Variants in RAB3GAP1 observed in about 807,000 individuals in gnomAD.
The protein encoded by RAB3GAP1 is RAB3 GTPase activating protein catalytic subunit 1, also known as rab3 GTPase-activating protein catalytic subunit.
RAB3GAP1 carries 86 observed loss-of-function variants against 130.7 expected under a neutral mutation model. The observed-to-expected ratio is 0.66, with a 90% CI of 0.55 to 0.79. RAB3GAP1 has a LOEUF of 0.79. RAB3GAP1 is among the 30% of genes least tolerant of loss of function. The pLI is 0.00. For synonymous variants in RAB3GAP1, 367 were observed against 401.7 expected (o/e 0.91, Z 1.03); for missense variants, 1,029 against 1,169.4 (o/e 0.88, Z 1.75).
chr2:135,119,070 T>TC (rs1558785463), intron 7 of RAB3GAP1, among the ~76,000 whole-genome samples: 5 of 137,896 alleles, frequency 3.6e-5, no homozygotes, highest in African/African-American at 1.2e-4. Flanking sequence ...CTTCCTTCCT[T>TC]CCTCCCTCCC....
chr2:135,064,536 T>G (rs1487106123), intron 3 of RAB3GAP1, among the ~76,000 whole-genome samples: 4 of 152,166 alleles, frequency 2.6e-5, no homozygotes, highest in African/African-American at 9.6e-5. Context: ...TTGATTCTTA[T>G]GAAAAACTTC....
At chr2:135,120,301 T>C (rs1323351451) in intron 7 of RAB3GAP1, among the ~76,000 whole-genome samples, 1 of 152,232 alleles carries the variant, frequency 6.6e-6, no homozygotes, top group Non-Finnish European at 1.5e-5. Flanking sequence ...TAAACAGCTT[T>C]ATTTTAAAGC....
chr2:135,119,682 G>GCTA lies in RAB3GAP1; in HGVS notation c.649-1133_649-1131dup, dbSNP rs558968194. ...TTCAAATTGAGTTTGTGTTCTTAAA[G>GCTA]CTACTAGTGACATTTATAGATGCTG... On this transcript the variant is annotated intron_variant, in intron 7 of 23. Transcript: ENST00000264158. 4.0e-3 allele frequency among the ~76,000 whole-genome samples: 602 copies of GCTA among 152,294 alleles called. 4 individuals are homozygous for GCTA. The highest frequency in any genetic ancestry group is 0.014 in the African/African-American group (585 of 41,556).
chr2:135,075,996 C>T (rs563713053), intron 3 of RAB3GAP1, among the ~76,000 whole-genome samples: 5 of 149,752 alleles, frequency 3.3e-5, no homozygotes, highest in South Asian at 4.2e-4. Context: ...CTGCAGCCTT[C>T]GCCTCCTGCG....
chr2:135,080,071 C>T (rs191906833), intron 3 of RAB3GAP1, among the ~76,000 whole-genome samples: 123 of 147,608 alleles, frequency 8.3e-4, no homozygotes, highest in Admixed American at 6.3e-3. Context: ...GAGCGGAGAT[C>T]GCACCACAGC....
At chr2:135,155,529 T>C (rs2104986189) in intron 19 of RAB3GAP1, among the ~76,000 whole-genome samples, 1 of 152,260 alleles carries the variant, frequency 6.6e-6, no homozygotes. Flanking sequence ...TTTGTTATCA[T>C]GGGAACATCA....
chr2:135,127,186 T>C (rs1039292593), intron 11 of RAB3GAP1, among the ~76,000 whole-genome samples: 1 of 150,830 alleles, frequency 6.6e-6, no homozygotes. Flanking sequence ...AGATGCTTTT[T>C]CTTTTTTTTT....
intron 17 of RAB3GAP1, among the ~76,000 whole-genome samples, chr2:135,146,971 AACACACAC>A (rs34094441): frequency 1.5e-4 from 22 of 147,528 alleles, no homozygotes; most frequent in African/African-American, 4.9e-4. Context: ...AGGGGGTATA[AACACACAC>A]ACACACACAC....
rs1194490322 is a variant in RAB3GAP1 at position 135,135,889 on chromosome 2, C to G, written c.1880C>G (p.Thr627Arg). 1 of 1,614,004 alleles carries G rather than the reference C, an allele frequency of 6.2e-7. No individual in the cohort carries two copies. The highest frequency in any genetic ancestry group is 8.5e-7 in the Non-Finnish European group (1 of 1,179,948). ...EGRLYQHGKL[T>R]LLHNGEPLYI... ...CGGCTCTATCAGCATGGGAAACTTA[C>G]ACTGCTGCATAATGGAGAACCTCTC... Residue 627 changes from threonine (T) to arginine (R), a missense_variant, in exon 17 of 24, where the codon ACA becomes AGA. By Grantham distance (71) the Thr-to-Arg change is moderately conservative. Coordinates refer to ENST00000264158, the MANE Select transcript of RAB3GAP1 (RefSeq NM_012233.3).
At chr2:135,085,942 C>T (rs1689961907) in intron 3 of RAB3GAP1, among the ~76,000 whole-genome samples, 1 of 152,076 alleles carries the variant, frequency 6.6e-6, no homozygotes, top group Admixed American at 6.6e-5. Flanking sequence ...CAGAGGTAAC[C>T]ACAGTTTTGA....
chr2:135,055,303 T>C (rs1031630207), intron 2 of RAB3GAP1, among the ~76,000 whole-genome samples: 1 of 152,200 alleles, frequency 6.6e-6, no homozygotes, highest in Non-Finnish European at 1.5e-5. Context: ...GTTTTTCTAG[T>C]CAAATCTCAA....
chr2:135,126,090 A>G, intron 9 of RAB3GAP1, 91 bp from the exon 10 acceptor site: 1 of 978,494 alleles, frequency 1.0e-6, no homozygotes, highest in Non-Finnish European at 1.6e-6. Context: ...ACTGTAACAT[A>G]CTTTTATTTC....
At chr2:135,086,477 A>G (rs931244774) in intron 3 of RAB3GAP1, among the ~76,000 whole-genome samples, 1 of 152,020 alleles carries the variant, frequency 6.6e-6, no homozygotes, top group Non-Finnish European at 1.5e-5. Flanking sequence ...GATAGTGAGT[A>G]GTCATCTGGT....
At chr2:135,064,875 A>G (rs1375603611) in intron 3 of RAB3GAP1, among the ~76,000 whole-genome samples, 1 of 150,516 alleles carries the variant, frequency 6.6e-6, no homozygotes, top group Non-Finnish European at 1.5e-5. Context: ...ATTTTCATTC[A>G]TAAAATTTAT....
chr2:135,140,397 C>T (rs1420657274), intron 17 of RAB3GAP1, among the ~76,000 whole-genome samples: 1 of 152,150 alleles, frequency 6.6e-6, no homozygotes, highest in Non-Finnish European at 1.5e-5. Context: ...CAGAATCCTC[C>T]CCATTTGATG....
Position 135,113,207 on chromosome 2 carries a change from T to C in RAB3GAP1, c.419T>C (p.Leu140Pro). The change falls in exon 6 of 24, where the codon CTC becomes CCC. Residue 140 changes from leucine to proline, a missense_variant. By Grantham distance (98) the Leu-to-Pro change is moderately conservative (BLOSUM62 -3). This residue lies in a region of RAB3GAP1 where 510 missense variants were observed against 532.1 expected (regional missense o/e 0.96). Coordinates refer to ENST00000264158, the MANE Select transcript of RAB3GAP1 (RefSeq NM_012233.3). ...IAPAAHSDAVLSESKCNLLLS... is the reference protein window; with the variant it reads ...IAPAAHSDAVPSESKCNLLLS... Reference sequence around the variant, plus strand: ...CCTGCTGCACACAGTGACGCTGTTCTCAGCGAATCTAAGTGCAACCTTCTT... The same window carrying C: ...CCTGCTGCACACAGTGACGCTGTTCCCAGCGAATCTAAGTGCAACCTTCTT... The C allele has an allele frequency of 6.2e-7, 1 of 1,614,166 alleles. No homozygotes were observed. The highest frequency in any genetic ancestry group is 8.5e-7 in the Non-Finnish European group (1 of 1,179,986).
chr2:135,154,737 A>G, intron 19 of RAB3GAP1, among the ~76,000 whole-genome samples: 1 of 152,214 alleles, frequency 6.6e-6, no homozygotes, highest in East Asian at 1.9e-4. Context: ...AGGGACTTGA[A>G]TGTAAACAGG....
intron 7 of RAB3GAP1, among the ~76,000 whole-genome samples, chr2:135,119,193 C>CT (rs1307912939): frequency 7.3e-5 from 11 of 151,448 alleles, no homozygotes; most frequent in Non-Finnish European, 1.0e-4. Flanking sequence ...ACTGCAACCT[C>CT]TGCCTCCCGG....
chr2:135,124,343 T>C (rs1455694411), intron 9 of RAB3GAP1, 97 bp downstream of exon 9: 2 of 1,212,726 alleles, frequency 1.6e-6, no homozygotes, highest in East Asian at 4.8e-5. Flanking sequence ...TATAGCTTGC[T>C]GGGATGAATG....
Sources: gnomAD v4.1 joint callset for allele counts (sites outside exome capture counted in the v4.1 genomes callset) on GRCh38, gnomAD v4.1.1 for gene constraint, gnomAD v4.1.1 regional missense constraint, MANE v1.5 for transcripts, NCBI Gene and HGNC (gene_info 2026-07-23, HGNC 2026-07-21) for gene names.